FAM210A: variants seen among roughly 807,000 people sequenced by gnomAD.
FAM210A encodes the protein mitochondrial inner membrane scaffold 1, also known as family with sequence similarity 210 member A.
A neutral mutation model predicts 25.3 loss-of-function variants in FAM210A; 13 were observed. The ratio of observed to expected loss-of-function variants is 0.51; its 90% confidence interval spans 0.33 to 0.82. The LOEUF is 0.82. Ranked by LOEUF, FAM210A falls within the 40% of genes least tolerant of loss-of-function variation. The probability of loss-of-function intolerance (pLI) is 0.02; values close to 1 mark genes in which losing one functional copy is unlikely to be tolerated. For missense variants in FAM210A, 319 were observed against 323.2 expected (o/e 0.99, Z 0.10); for synonymous variants, 125 against 118.7 (o/e 1.05, Z -0.35).
At chr18:13,682,837 C>A (rs979099652) in intron 1 of FAM210A, among the ~76,000 whole-genome samples, 1 of 152,110 alleles carries the variant, frequency 6.6e-6, no homozygotes, top group Non-Finnish European at 1.5e-5. Flanking sequence ...CCACTGTACT[C>A]CAGCCTGGGG....
chr18:13,677,441 G>A (rs1374733452), intron 2 of FAM210A, among the ~76,000 whole-genome samples: 1 of 152,218 alleles, frequency 6.6e-6, no homozygotes, highest in African/African-American at 2.4e-5. Context: ...GACTGAGTAA[G>A]CAGGGGGTAC....
At chr18:13,677,069 A>ATTTTTTTTTTTTTTTTTT (rs59935007) in intron 2 of FAM210A, among the ~76,000 whole-genome samples, 1 of 137,194 alleles carries the variant, frequency 7.3e-6, no homozygotes, top group Non-Finnish European at 1.6e-5. Context: ...CTGTCCCTCT[A>ATTTTTTTTTTTTTTTTTT]TTTTTTTTTT....
At chr18:13,674,190 A>T (rs1488078072) in intron 2 of FAM210A, among the ~76,000 whole-genome samples, 9 of 128,734 alleles carry the variant, frequency 7.0e-5, no homozygotes, top group East Asian at 2.4e-4. Flanking sequence ...TGGCTTCTTT[A>T]TTTCCTGTTT....
chr18:13,717,924 C>A (rs1040445451), intron 1 of FAM210A, among the ~76,000 whole-genome samples: 7 of 152,168 alleles, frequency 4.6e-5, no homozygotes, highest in Non-Finnish European at 1.0e-4. Flanking sequence ...ACGGACAGGG[C>A]CGCATACGGG....
chr18:13,672,385 C>A (rs983805248), intron 2 of FAM210A, among the ~76,000 whole-genome samples: 1 of 152,150 alleles, frequency 6.6e-6, no homozygotes, highest in African/African-American at 2.4e-5. Flanking sequence ...AAAATTTTTA[C>A]CTTTAAAATT....
Position 13,701,323 on chromosome 18 carries a change from C to T in FAM210A, c.-28-19218G>A, listed in dbSNP as rs117130711. ...TGGGTTTGGAAATCGCAACAGAAAT[C>T]GAACTGGGTTCAGGATCAGATTAGA... On this transcript the variant is annotated intron_variant, in intron 1 of 3. Coordinates refer to ENST00000651643, the MANE Select transcript of FAM210A (RefSeq NM_152352.4). 7.0e-4 allele frequency among the ~76,000 whole-genome samples: 106 copies of T among 152,250 alleles called. 2 individuals are homozygous for T. In the East Asian group the frequency reaches 0.018, roughly 25 times the overall value.
At chr18:13,680,240 A>C (rs2043541044) in intron 2 of FAM210A, among the ~76,000 whole-genome samples, 1 of 152,222 alleles carries the variant, frequency 6.6e-6, no homozygotes, top group Non-Finnish European at 1.5e-5. Context: ...TGGTAACTTT[A>C]TTTTCTGTCA....
Position 13,664,772 on chromosome 18 carries a change from C to A in FAM210A, c.*1708G>T, listed in dbSNP as rs1386108455. 6.6e-6 allele frequency: 1 copy of A among 152,168 alleles called. No homozygotes were observed. The highest frequency in any genetic ancestry group is 1.5e-5 in the Non-Finnish European group (1 of 68,032). The allele number at this position is 152,168 out of a possible 1,614,324, so 9.4% of individuals were successfully genotyped here. On this transcript the variant is annotated 3_prime_UTR_variant, in exon 4 of 4. Transcript: ENST00000651643. Reference sequence around the variant, plus strand: ...AACTTTTTTTCCCCTTTAAACTATACTCTAAATTTGGCCAAACTAAGTACT... The same window carrying A: ...AACTTTTTTTCCCCTTTAAACTATAATCTAAATTTGGCCAAACTAAGTACT...
intron 1 of FAM210A, among the ~76,000 whole-genome samples, chr18:13,684,705 T>C (rs2043582272): frequency 6.6e-6 from 1 of 152,238 alleles, no homozygotes; most frequent in Non-Finnish European, 1.5e-5. Flanking sequence ...TTAATCAATT[T>C]GATCTAACTG....
At chr18:13,699,357 G>C (rs947561433) in intron 1 of FAM210A, among the ~76,000 whole-genome samples, 1 of 151,908 alleles carries the variant, frequency 6.6e-6, no homozygotes, top group Admixed American at 6.6e-5. Flanking sequence ...TGAAGCCACT[G>C]CCAAATTCTT....
At chr18:13,667,033 A>C (rs970383153) in intron 3 of FAM210A, among the ~76,000 whole-genome samples, 1 of 152,264 alleles carries the variant, frequency 6.6e-6, no homozygotes, top group Non-Finnish European at 1.5e-5. Context: ...ACTCAGTACC[A>C]GTAAAAATAA....
intron 2 of FAM210A, among the ~76,000 whole-genome samples, chr18:13,681,123 A>G (rs950088366): frequency 6.6e-6 from 1 of 152,198 alleles, no homozygotes. Flanking sequence ...GAAATATATA[A>G]TTATGGAGTC....
At chr18:13,695,478 C>T (rs1258408671) in intron 1 of FAM210A, among the ~76,000 whole-genome samples, 9 of 152,096 alleles carry the variant, frequency 5.9e-5, no homozygotes, top group South Asian at 2.1e-4. Context: ...TGTCCATCAA[C>T]GATAGACTGG....
intron 1 of FAM210A, chr18:13,710,340 T>C (rs1458397402): frequency 6.6e-6 from 1 of 152,324 alleles, no homozygotes; most frequent in African/African-American, 2.4e-5. Flanking sequence ...TGTGCCATCG[T>C]GCCCAGCTAA....
intron 1 of FAM210A, among the ~76,000 whole-genome samples, chr18:13,687,480 C>T (rs2043607122): frequency 6.6e-6 from 1 of 152,150 alleles, no homozygotes; most frequent in Admixed American, 6.5e-5. Context: ...AGGTATTGGA[C>T]GAGTGAGCCG....
chr18:13,726,269 G>C (rs2043947848), intron 1 of FAM210A, 60 bp downstream of exon 1: 1 of 152,524 alleles, frequency 6.6e-6, no homozygotes, highest in Non-Finnish European at 1.5e-5. Flanking sequence ...CACACGCCCA[G>C]GGTTGAAGGT....
Position 13,681,783 on chromosome 18 carries a change from T to G in FAM210A, c.295A>C (p.Ser99Arg), listed in dbSNP as rs2043555657. 6.2e-7 allele frequency: 1 copy of G among 1,614,212 alleles called. No homozygotes were observed. Among genetic ancestry groups the G allele is most frequent in the Non-Finnish European group, 8.5e-7 (1 of 1,180,038 alleles). ...TCCGGAGTTCCCTGAGCTGTGGCAC[T>G]GGATGAAAAAACCCTCCTGAATGAA... ...HVSFRRVFSS[S>R]ATAQGTPEKK... Residue 99 changes from serine (S) to arginine (R), a missense_variant, in exon 2 of 4, where the codon AGT (serine) becomes CGT (arginine). Ser to Arg is a moderately radical substitution (Grantham distance 110, BLOSUM62 -1). Transcript: ENST00000651643.
intron 1 of FAM210A, among the ~76,000 whole-genome samples, chr18:13,718,024 T>C (rs2043874277): frequency 6.6e-6 from 1 of 152,162 alleles, no homozygotes; most frequent in South Asian, 2.1e-4. Context: ...GAACTCTGCC[T>C]ACAACCTCAA....
chr18:13,684,753 C>A (rs1268116644), intron 1 of FAM210A, among the ~76,000 whole-genome samples: 1 of 152,192 alleles, frequency 6.6e-6, no homozygotes, highest in African/African-American at 2.4e-5. Context: ...CAGCAGAATA[C>A]ACATTCCACT....
Sources: allele counts gnomAD v4.1 joint callset (sites outside exome capture counted in the v4.1 genomes callset), GRCh38; gene constraint gnomAD v4.1.1; transcripts MANE v1.5; gene names NCBI Gene and HGNC (gene_info 2026-07-23, HGNC 2026-07-21).